The following LMO1 variants were observed in gnomAD, a reference collection of about 807,000 sequenced individuals.
LMO1 encodes the protein LIM domain only 1.
A neutral mutation model predicts 18.0 loss-of-function variants in LMO1; 10 were observed. The ratio of observed to expected loss-of-function variants is 0.55; its 90% CI spans 0.34 to 0.94. The LOEUF is 0.94. LMO1 is among the 40% of genes least tolerant of loss of function. The pLI is 0.02. For missense variants in LMO1, 183 were observed against 205.7 expected, an observed-to-expected ratio of 0.89 and a Z score of 0.68; for synonymous variants, 77 against 77.9, an observed-to-expected ratio of 0.99 and a Z score of 0.06.
chr11:8,241,801 C>CA (rs935544342), intron 1 of LMO1, among the ~76,000 whole-genome samples: 15 of 144,282 alleles, frequency 1.0e-4, no homozygotes, highest in Admixed American at 6.2e-4. Flanking sequence ...AAAAAAAAAA[C>CA]AAAAAAAAGT....
chr11:8,268,587 G>A, upstream of LMO1: 3 of 563,988 alleles, frequency 5.3e-6, no homozygotes, highest in East Asian at 3.9e-5. Context: ...GCCGACGGGG[G>A]CAGACGGACC....
intron 1 of LMO1, among the ~76,000 whole-genome samples, chr11:8,245,113 A>G (rs879408482): frequency 6.6e-6 from 1 of 152,112 alleles, no homozygotes; most frequent in Non-Finnish European, 1.5e-5. Context: ...CATTTTGTGG[A>G]TGGGGAAACT....
Position 8,230,555 on chromosome 11 carries a change from G to A in LMO1, c.26-51C>T, listed in dbSNP as rs1259530650. On this transcript the variant is annotated intron_variant, in intron 1 of 3. Coordinates refer to ENST00000335790, the MANE Select transcript of LMO1 (RefSeq NM_002315.3). The stretch of plus-strand genomic sequence containing the variant: ...CGCAGGATGGGCCCCGTAGCTCTGG[G>A]CCTCAAGGAATATCCCCCAAGAATG... 1.2e-5 allele frequency: 18 copies of A among 1,557,974 alleles called. No homozygotes were observed. The East Asian group carries it at 3.8e-4, about 33-fold the overall frequency.
intron 1 of LMO1, among the ~76,000 whole-genome samples, chr11:8,234,142 G>T (rs1463017301): frequency 6.6e-6 from 1 of 152,118 alleles, no homozygotes; most frequent in African/African-American, 2.4e-5. Flanking sequence ...GGGGAAACAG[G>T]CTGAACTCCA....
upstream of LMO1, among the ~76,000 whole-genome samples, chr11:8,266,231 G>A (rs1014224410): frequency 3.3e-5 from 5 of 152,292 alleles, no homozygotes; most frequent in African/African-American, 1.2e-4. Flanking sequence ...GTCTTGGAGG[G>A]TTTGGGTGGC....
intron 1 of LMO1, among the ~76,000 whole-genome samples, chr11:8,255,963 C>A (rs1318011542): frequency 1.3e-5 from 2 of 151,426 alleles, no homozygotes; most frequent in Admixed American, 6.6e-5. Context: ...GTAGCTGGGA[C>A]TACAGGCGCC....
intron 3 of LMO1, among the ~76,000 whole-genome samples, chr11:8,225,457 G>T (rs895807253): frequency 6.7e-6 from 1 of 149,486 alleles, no homozygotes; most frequent in Non-Finnish European, 1.5e-5. Context: ...AGGAAGGAGG[G>T]ATAAAATGGT....
intron 1 of LMO1, among the ~76,000 whole-genome samples, chr11:8,237,234 A>T (rs1590536487): frequency 6.6e-6 from 1 of 151,926 alleles, no homozygotes; most frequent in South Asian, 2.1e-4. Context: ...CTGGGCCCAC[A>T]CCCAGGCCCG....
rs891221248 is a variant in LMO1 at position 8,240,855 on chromosome 11, T to C, written c.26-10351A>G. Among the ~76,000 whole-genome samples the C allele has an allele frequency of 3.9e-5, 6 of 152,184 alleles. 1 individual carries two copies. The highest frequency in any genetic ancestry group is 6.3e-3 in the Middle Eastern group (2 of 316). ...AAGGCCTGGATGTAATTCTGGAGCATAGTGATTCTGGAGCAGGTGTAGATG... is the reference window on the plus strand; with the variant it reads ...AAGGCCTGGATGTAATTCTGGAGCACAGTGATTCTGGAGCAGGTGTAGATG... On this transcript the variant is annotated intron_variant, in intron 1 of 3. Coordinates refer to ENST00000335790, the MANE Select transcript of LMO1 (RefSeq NM_002315.3).
intron 1 of LMO1, among the ~76,000 whole-genome samples, chr11:8,251,951 AGT>A (rs1847006482): frequency 2.1e-5 from 2 of 94,736 alleles, no homozygotes; most frequent in Non-Finnish European, 4.2e-5. Flanking sequence ...TGTATGTGGG[AGT>A]GTGTGTTTGT....
Position 8,227,114 on chromosome 11 carries a change from G to A in LMO1, c.240-14C>T. 6.2e-7 allele frequency: 1 copy of A among 1,608,010 alleles called. No individual in the cohort carries two copies. The highest frequency in any genetic ancestry group is 1.3e-5 in the African/African-American group (1 of 74,992). ...GTGCCAAAGAGCCTGCCGAGGGAAG[G>A]GCGCAGAGGACTCAGCAGCATTCTG... On this transcript the variant is annotated splice_polypyrimidine_tract_variant and intron_variant, in intron 2 of 3. Transcript: ENST00000335790.
chr11:8,230,498 G>A lies in LMO1; in HGVS notation c.32C>T (p.Pro11Leu), dbSNP rs770912955. The A allele has an allele frequency of 7.4e-6, 12 of 1,611,646 alleles. No individual in the cohort carries two copies. The highest frequency in any genetic ancestry group is 1.6e-4 in the Middle Eastern group (1 of 6,074). The change falls in exon 2 of 4, where the codon CCG becomes CTG. Residue 11 changes from proline to leucine, a missense_variant. Transcript: ENST00000335790. ...CCCTTTGGGCTGGACGGAGAGCATC[G>A]GCACGCCTGCAGACGGACAGACAGA... MMVLDKEDGVPMLSVQPKGKQ... is the reference protein window; with the variant it reads MMVLDKEDGVLMLSVQPKGKQ...
chr11:8,232,590 A>G (rs1255108386), intron 1 of LMO1, among the ~76,000 whole-genome samples: 5 of 152,192 alleles, frequency 3.3e-5, no homozygotes, highest in African/African-American at 1.2e-4. Context: ...GTACGCACTC[A>G]AACACCGACT....
chr11:8,226,020 G>T (rs1952533192), intron 3 of LMO1, among the ~76,000 whole-genome samples: 1 of 152,238 alleles, frequency 6.6e-6, no homozygotes, highest in Admixed American at 6.5e-5. Flanking sequence ...CAGAAAATAG[G>T]CTGGGCTGGA....
At chr11:8,239,277 A>C (rs937721178) in intron 1 of LMO1, among the ~76,000 whole-genome samples, 1 of 152,162 alleles carries the variant, frequency 6.6e-6, no homozygotes, top group Non-Finnish European at 1.5e-5. Flanking sequence ...GGCCCGGGCT[A>C]AAACCAAGAG....
At chr11:8,253,812 G>A (rs535768826) in intron 1 of LMO1, among the ~76,000 whole-genome samples, 12 of 151,862 alleles carry the variant, frequency 7.9e-5, no homozygotes, top group Middle Eastern at 3.4e-3. Context: ...ATTTTTCCCC[G>A]CCGAGACTCA....
At chr11:8,228,879 A>G (rs1353955760) in intron 2 of LMO1, among the ~76,000 whole-genome samples, 1 of 151,940 alleles carries the variant, frequency 6.6e-6, no homozygotes. Context: ...CAAGGGGTGA[A>G]TCCCCAGGAA....
In LMO1 at chr11:8,262,726, G is replaced by A. The variant is rs369782129; in HGVS notation, c.25+612C>T. ...GCGCTCAGAGAGACAGGGAGCTAGC[G>A]GGCCGGCACAAGAGGCGGCTCTCTT... is the stretch of plus-strand genomic sequence containing the variant. On this transcript the variant is annotated intron_variant, in intron 1 of 3. Transcript: ENST00000335790. Among the ~76,000 whole-genome samples, 6 of 152,340 alleles carry A rather than the reference G, an allele frequency of 3.9e-5. No individual in the cohort carries two copies. In the East Asian group the frequency reaches 7.7e-4, roughly 20 times the overall value.
At chr11:8,227,857 T>C (rs1024870401) in intron 2 of LMO1, among the ~76,000 whole-genome samples, 12 of 152,190 alleles carry the variant, frequency 7.9e-5, no homozygotes, top group Non-Finnish European at 2.9e-5. Context: ...AAAATAGAGA[T>C]GGGGTCTCAC....
Sources: gnomAD v4.1 joint callset for allele counts (sites outside exome capture counted in the v4.1 genomes callset) on GRCh38, gnomAD v4.1.1 for gene constraint, MANE v1.5 for transcripts, NCBI Gene and HGNC (gene_info 2026-07-23, HGNC 2026-07-21) for gene names.